UPF2: variants seen among roughly 807,000 people sequenced by gnomAD.
The protein encoded by UPF2 is UPF2 regulator of nonsense mediated mRNA decay, also known as regulator of nonsense transcripts 2.
In UPF2, 17 loss-of-function variants were observed where a neutral mutation model predicts 141.4. That is an observed-to-expected ratio of 0.12 (90% CI 0.08 to 0.18). The LOEUF is 0.18. Among genes scored for constraint, UPF2 ranks in the 10% least tolerant of loss-of-function variants. The probability of loss-of-function intolerance (pLI) is 1.00; values close to 1 mark genes in which losing one functional copy is unlikely to be tolerated. For synonymous variants in UPF2, 540 were observed against 498.0 expected (o/e 1.08, Z -1.12); for missense variants, 1,152 against 1,515.9 (o/e 0.76, Z 3.99).
intron 11 of UPF2, among the ~76,000 whole-genome samples, chr10:11,962,514 A>G (rs945672472): frequency 3.9e-5 from 6 of 152,130 alleles, no homozygotes; most frequent in Non-Finnish European, 8.8e-5. Flanking sequence ...GCTAGTCAGA[A>G]TTCTCCAGCC....
At position 11,979,204 on chromosome 10, in the gene UPF2, A is replaced by G. The variant is rs1833554045; in HGVS notation, c.1845-39T>C. ...ATGTGATATGTGTCAAAGGAAAGAC[A>G]TATCAAAAATAATTCATTTTAAAAT... On this transcript the variant is annotated intron_variant, in intron 8 of 21. Transcript: ENST00000357604. The surrounding 1 kb of genome is among the most constrained non-coding windows in gnomAD (Gnocchi z 6.2). 1 of 1,450,406 alleles carries G rather than the reference A, an allele frequency of 6.9e-7. No individual in the cohort carries two copies. The highest frequency in any genetic ancestry group is 9.5e-7 in the Non-Finnish European group (1 of 1,048,948). 89.8% of individuals were successfully genotyped at this position (1,450,406 alleles called of 1,614,324 possible).
At chr10:11,986,126 C>T (rs1588553911) in intron 8 of UPF2, among the ~76,000 whole-genome samples, 1 of 151,750 alleles carries the variant, frequency 6.6e-6, no homozygotes, top group East Asian at 1.9e-4. Context: ...CCTTGTGATC[C>T]GCCCGCCTCA....
intron 3 of UPF2, among the ~76,000 whole-genome samples, chr10:12,026,084 G>T (rs1189125533): frequency 1.3e-5 from 2 of 152,022 alleles, no homozygotes; most frequent in Non-Finnish European, 2.9e-5. Context: ...GTGAGCCACC[G>T]CACCCTGCCA....
intron 3 of UPF2, among the ~76,000 whole-genome samples, chr10:12,024,308 C>A (rs1465691905): frequency 1.3e-5 from 2 of 151,638 alleles, no homozygotes; most frequent in Non-Finnish European, 2.9e-5. Flanking sequence ...TACAAAAATT[C>A]TTTTAAAGTT....
intron 8 of UPF2, among the ~76,000 whole-genome samples, chr10:11,989,357 G>A (rs1306778534): frequency 6.6e-6 from 1 of 152,208 alleles, no homozygotes. Context: ...AGTGGCACAT[G>A]CCTGTAATCC....
chr10:12,008,965 G>C (rs184766791), intron 4 of UPF2, among the ~76,000 whole-genome samples: 2 of 152,106 alleles, frequency 1.3e-5, no homozygotes, highest in Non-Finnish European at 1.5e-5. Context: ...TCCTATGTTA[G>C]TTTGCTGAGA....
intron 8 of UPF2, among the ~76,000 whole-genome samples, chr10:11,996,574 C>T (rs1833868084): frequency 1.3e-5 from 2 of 152,170 alleles, no homozygotes; most frequent in African/African-American, 4.8e-5. Context: ...AAACTCCTGA[C>T]CTCAGGTGAT....
intron 9 of UPF2, among the ~76,000 whole-genome samples, chr10:11,977,518 C>A (rs535409654): frequency 6.6e-6 from 1 of 152,242 alleles, no homozygotes; most frequent in African/African-American, 2.4e-5. Flanking sequence ...ACAGAATTTT[C>A]TTAATTTAAG....
rs770788476 is a variant in UPF2, at chr10:11,967,434, G to A, written c.1974C>T (p.Ile658=). The change falls in exon 10 of 22, where the codon ATC becomes ATT. Residue 658 remains isoleucine, a synonymous_variant. Transcript: ENST00000357604. Reference sequence around the variant, plus strand: ...CAGTTTTATTCTTTGTTTCAATATTGATCTGGTCCTTTTTCCGTACCTAAA... The same window carrying A: ...CAGTTTTATTCTTTGTTTCAATATTAATCTGGTCCTTTTTCCGTACCTAAA... ...FRFHVRKKDQ[I]NIETKNKTVR... The A allele has an allele frequency of 1.1e-5, 18 of 1,571,146 alleles. No individual in the cohort carries two copies. Among genetic ancestry groups the A allele is most frequent in the Non-Finnish European group, 1.5e-5 (18 of 1,165,232 alleles).
chr10:11,973,946 A>T (rs142291427), intron 9 of UPF2, among the ~76,000 whole-genome samples: 85 of 152,288 alleles, frequency 5.6e-4, no homozygotes, highest in African/African-American at 1.8e-3. Flanking sequence ...TTTGATGGGG[A>T]TGGCACTGAA....
In UPF2 at chr10:11,953,119, T is replaced by C. The variant is rs1263797822; in HGVS notation, c.2851-870A>G. Among the ~76,000 whole-genome samples, 3 of 152,220 alleles carry C rather than the reference T, an allele frequency of 2.0e-5. No homozygotes were observed. The highest frequency in any genetic ancestry group is 1.9e-4 in the East Asian group (1 of 5,198). Reference sequence around the variant, plus strand: ...AGCCTGGTTCCCACATTCTATTTTATACTTGTTTTAATTCCTAAATTTACA... The same window carrying C: ...AGCCTGGTTCCCACATTCTATTTTACACTTGTTTTAATTCCTAAATTTACA... On this transcript the variant is annotated intron_variant, in intron 14 of 21. Coordinates refer to ENST00000357604, the MANE Select transcript of UPF2 (RefSeq NM_015542.4). This position sits in a 1 kb window ranked among gnomAD's most constrained non-coding sequence, Gnocchi z 5.0.
At position 11,980,354 on chromosome 10, in the gene UPF2, G is replaced by C. The variant is rs1375741434; in HGVS notation, c.1845-1189C>G. Among the ~76,000 whole-genome samples, 3 of 152,216 alleles carry C rather than the reference G, an allele frequency of 2.0e-5. No homozygotes were observed. Among genetic ancestry groups the C allele is most frequent in the African/African-American group, 7.2e-5 (3 of 41,456 alleles). On this transcript the variant is annotated intron_variant, in intron 8 of 21. Transcript: ENST00000357604. The surrounding 1 kb of genome is among the most constrained non-coding windows in gnomAD (Gnocchi z 4.2). ...CAGCAAATAATGGAGCTGACAGTGAGAGAGGAAGCTAAAAACTATAAAATT... is the reference window on the plus strand; with the variant it reads ...CAGCAAATAATGGAGCTGACAGTGACAGAGGAAGCTAAAAACTATAAAATT...
chr10:11,993,844 C>A (rs1287813893), intron 8 of UPF2, among the ~76,000 whole-genome samples: 1 of 151,998 alleles, frequency 6.6e-6, no homozygotes, highest in Non-Finnish European at 1.5e-5. Context: ...TAAAAATTAG[C>A]CAGACATGGT....
chr10:12,040,570 A>G (rs1834719192), intron 1 of UPF2, among the ~76,000 whole-genome samples: 1 of 152,182 alleles, frequency 6.6e-6, no homozygotes, highest in Admixed American at 6.5e-5. Flanking sequence ...CATACGCCCA[A>G]AGTATACTTG....
rs757512871 is a variant in UPF2, at chr10:11,959,354, C to G, written c.2187G>C (p.Glu729Asp). The G allele has an allele frequency of 1.9e-6, 3 of 1,558,252 alleles. No homozygotes were observed. The highest frequency in any genetic ancestry group is 2.1e-5 in the Admixed American group (1 of 47,364). ...TTGCTTGCTTCTTTCTCATCATTTG[C>G]TCCTGAAATAAAAAGTCCAAATTAA... The part of the protein sequence containing the change: ...ESHLRTSVLL[E>D]QMMRKKQAMH... Residue 729 changes from glutamate (E) to aspartate (D), a missense_variant and splice_region_variant, in exon 12 of 22, where the codon GAG becomes GAC. By Grantham distance (45) the Glu-to-Asp change is conservative (BLOSUM62 2). Around this residue, in one of 4 missense-constraint regions of UPF2, gnomAD observed 739 missense variants for 1,032.2 expected, o/e 0.72. Transcript: ENST00000357604. The surrounding 1 kb of genome is among the most constrained non-coding windows in gnomAD (Gnocchi z 5.9).
At chr10:11,963,090 AC>A (rs1278365393) in intron 11 of UPF2, among the ~76,000 whole-genome samples, 1 of 152,146 alleles carries the variant, frequency 6.6e-6, no homozygotes, top group Admixed American at 6.6e-5. Context: ...AGGGTCTAGC[AC>A]AGAGTTCACA....
At chr10:11,949,324 C>G (rs1276718170) in intron 15 of UPF2, among the ~76,000 whole-genome samples, 1 of 152,186 alleles carries the variant, frequency 6.6e-6, no homozygotes, top group Admixed American at 6.5e-5. Flanking sequence ...CTTGCTTGCC[C>G]AATATCCTTC....
At position 11,938,866 on chromosome 10, in the gene UPF2, T is replaced by TTG. The variant is rs1554774698; in HGVS notation, c.3379-2155_3379-2154insCA. Among the ~76,000 whole-genome samples the TTG allele has an allele frequency of 3.5e-4, 31 of 88,668 alleles. No individual in the cohort carries two copies. In the East Asian group the frequency reaches 0.014, roughly 41 times the overall value. 58.2% of individuals were successfully genotyped at this position (88,668 alleles called of 152,430 possible). ...AGTTTTTTTTTTGTTTTTTTTTTTT[T>TTG]TTTTTTTTTTTTTTTTGGAGACGGA... On this transcript the variant is annotated intron_variant, in intron 18 of 21. Transcript: ENST00000357604.
chr10:12,028,112 A>C (rs942293466), intron 3 of UPF2, among the ~76,000 whole-genome samples: 3 of 152,080 alleles, frequency 2.0e-5, no homozygotes, highest in Non-Finnish European at 4.4e-5. Context: ...CCTTTTAACA[A>C]CCAAAATTGG....
Sources: gnomAD v4.1 joint callset for allele counts (sites outside exome capture counted in the v4.1 genomes callset) on GRCh38, gnomAD v4.1.1 for gene constraint, gnomAD v4.1.1 regional missense constraint, Gnocchi (gnomAD v3.1) non-coding constraint, MANE v1.5 for transcripts, NCBI Gene and HGNC (gene_info 2026-07-23, HGNC 2026-07-21) for gene names.